Variants in SPAG16 observed in about 807,000 individuals in gnomAD.
The protein encoded by SPAG16 is sperm-associated antigen 16 protein.
A neutral mutation model predicts 80.4 loss-of-function variants in SPAG16; 86 were observed. That is an observed-to-expected ratio of 1.07 (90% confidence interval 0.90 to 1.28). The LOEUF is 1.28. Ranked by LOEUF, SPAG16 falls within the 50% of genes most tolerant of loss-of-function variation. SPAG16 has a pLI of 0.00. For missense variants in SPAG16, 870 were observed against 765.3 expected, an observed-to-expected ratio of 1.14 and a Z score of -1.61; for synonymous variants, 294 against 265.9, an observed-to-expected ratio of 1.11 and a Z score of -1.03.
chr2:214,287,531 G>A (rs1693454148), intron 15 of SPAG16, among the ~76,000 whole-genome samples: 1 of 152,246 alleles, frequency 6.6e-6, no homozygotes, highest in Middle Eastern at 3.4e-3. Flanking sequence ...ACCATAGTTG[G>A]GGGTGGGCTT....
chr2:213,292,037 A>G lies in SPAG16; in HGVS notation c.137-4027A>G, dbSNP rs547324395. Among the ~76,000 whole-genome samples the G allele has an allele frequency of 7.7e-4, 118 of 152,320 alleles. 1 individual carries two copies. In the South Asian group the frequency reaches 0.021, roughly 27 times the overall value. On this transcript the variant is annotated intron_variant, in intron 1 of 15. Coordinates refer to ENST00000331683, the MANE Select transcript of SPAG16 (RefSeq NM_024532.5). ...TCTAGAATATTTGCTGGGTAGGAGTATGTAAGTGTTGATTGATATTTTCTA... is the reference window on the plus strand; with the variant it reads ...TCTAGAATATTTGCTGGGTAGGAGTGTGTAAGTGTTGATTGATATTTTCTA...
chr2:213,950,590 T>C (rs1349034788), intron 12 of SPAG16, among the ~76,000 whole-genome samples: 2 of 152,110 alleles, frequency 1.3e-5, no homozygotes, highest in Non-Finnish European at 2.9e-5. Flanking sequence ...ACAGATATTA[T>C]TTAGAACAGC....
At chr2:214,098,003 C>T (rs1024983686) in intron 13 of SPAG16, among the ~76,000 whole-genome samples, 7 of 151,948 alleles carry the variant, frequency 4.6e-5, no homozygotes, top group African/African-American at 1.7e-4. Flanking sequence ...CAGCAAAGCC[C>T]AAATTCAGAC....
At position 214,027,822 on chromosome 2, in the gene SPAG16, A is replaced by G. The variant is rs1421775426; in HGVS notation, c.1527+13745A>G. Among the ~76,000 whole-genome samples, 3 of 151,948 alleles carry G rather than the reference A, an allele frequency of 2.0e-5. No homozygotes were observed. In the East Asian group the frequency reaches 5.8e-4, roughly 29 times the overall value. On this transcript the variant is annotated intron_variant, in intron 13 of 15. Transcript: ENST00000331683. ...ACAGGATTTTGGACAGTCTTTTTCA[A>G]ATTAGTATGGTTATCTGGTTTATTT... is the stretch of plus-strand genomic sequence containing the variant.
At chr2:214,295,716 A>G (rs375033115) in intron 15 of SPAG16, among the ~76,000 whole-genome samples, 18 of 152,144 alleles carry the variant, frequency 1.2e-4, no homozygotes, top group African/African-American at 3.9e-4. Context: ...GCTTGAACCC[A>G]GGAGGCGGAG....
chr2:213,870,002 C>T (rs557498186), intron 11 of SPAG16, among the ~76,000 whole-genome samples: 45 of 152,196 alleles, frequency 3.0e-4, no homozygotes, highest in South Asian at 8.3e-4. Context: ...TGCAATTGTA[C>T]GTAGCAATTA....
intron 15 of SPAG16, among the ~76,000 whole-genome samples, chr2:214,393,242 C>G (rs1370223013): frequency 6.6e-6 from 1 of 152,088 alleles, no homozygotes; most frequent in African/African-American, 2.4e-5. Context: ...GGTAACTTAT[C>G]TTTGTTTTGG....
intron 10 of SPAG16, among the ~76,000 whole-genome samples, chr2:213,551,774 C>T (rs940187367): frequency 2.0e-5 from 3 of 152,260 alleles, no homozygotes; most frequent in Middle Eastern, 3.4e-3. Flanking sequence ...TCAACAGTGA[C>T]GTCCCCACTC....
chr2:213,989,453 C>T (rs951366972), intron 12 of SPAG16, among the ~76,000 whole-genome samples: 2 of 152,114 alleles, frequency 1.3e-5, no homozygotes, highest in East Asian at 1.9e-4. Context: ...ATGGGGTTTT[C>T]CTGCTTTTAT....
At chr2:213,805,274 G>GGA (rs780346904) in intron 10 of SPAG16, among the ~76,000 whole-genome samples, 13 of 152,108 alleles carry the variant, frequency 8.5e-5, no homozygotes, top group Non-Finnish European at 1.3e-4. Flanking sequence ...CACCAAGAAA[G>GGA]GAGAGGCCAG....
intron 6 of SPAG16, 38 bp downstream of exon 6, chr2:213,340,308 A>G: frequency 7.8e-7 from 1 of 1,281,078 alleles, no homozygotes; most frequent in Non-Finnish European, 1.1e-6. Flanking sequence ...TTAAAGAGTT[A>G]TTTAATACAT....
chr2:213,669,746 C>T (rs573362173), intron 10 of SPAG16, among the ~76,000 whole-genome samples: 1 of 152,246 alleles, frequency 6.6e-6, no homozygotes, highest in African/African-American at 2.4e-5. Context: ...TAACTCTAGG[C>T]AGTAGCTTAT....
chr2:213,827,704 G>T (rs192019844), intron 10 of SPAG16, among the ~76,000 whole-genome samples: 1 of 152,158 alleles, frequency 6.6e-6, no homozygotes, highest in East Asian at 1.9e-4. Context: ...TGTAGGACAG[G>T]TCTGGTGTTG....
At chr2:214,194,956 T>C (rs1189146530) in intron 15 of SPAG16, among the ~76,000 whole-genome samples, 1 of 152,002 alleles carries the variant, frequency 6.6e-6, no homozygotes, top group Non-Finnish European at 1.5e-5. Flanking sequence ...GATGAATAAG[T>C]AAAACATAGC....
intron 10 of SPAG16, among the ~76,000 whole-genome samples, chr2:213,651,315 G>A (rs938901629): frequency 1.1e-4 from 16 of 152,162 alleles, no homozygotes; most frequent in African/African-American, 3.9e-4. Context: ...GATGTAAAGT[G>A]GGAGAGAGGA....
At chr2:214,170,094 T>G (rs1048019864) in intron 15 of SPAG16, among the ~76,000 whole-genome samples, 1 of 151,974 alleles carries the variant, frequency 6.6e-6, no homozygotes, top group Non-Finnish European at 1.5e-5. Flanking sequence ...TGTTTTTGTT[T>G]CAGAGAGGTT....
chr2:213,940,377 C>G (rs1205214124), intron 12 of SPAG16, among the ~76,000 whole-genome samples: 1 of 152,152 alleles, frequency 6.6e-6, no homozygotes, highest in Non-Finnish European at 1.5e-5. Flanking sequence ...GCCTGGAACT[C>G]TTGGTCTCAA....
chr2:214,051,553 A>C (rs1489360665), intron 13 of SPAG16, among the ~76,000 whole-genome samples: 3 of 152,032 alleles, frequency 2.0e-5, no homozygotes, highest in East Asian at 1.9e-4. Context: ...GCTAACTTTC[A>C]TGTTGCTTTT....
At chr2:213,288,787 G>C (rs1255732919) in intron 1 of SPAG16, among the ~76,000 whole-genome samples, 2 of 151,846 alleles carry the variant, frequency 1.3e-5, no homozygotes, top group Admixed American at 1.3e-4. Context: ...TTATAAAATG[G>C]TACTTCTCTG....
Sources: allele counts gnomAD v4.1 joint callset (sites outside exome capture counted in the v4.1 genomes callset), GRCh38; gene constraint gnomAD v4.1.1; transcripts MANE v1.5; gene names NCBI Gene and HGNC (gene_info 2026-07-23, HGNC 2026-07-21).